ADAMTS18: variants seen among roughly 807,000 people sequenced by gnomAD.
ADAMTS18 encodes the protein ADAM metallopeptidase with thrombospondin type 1 motif 18.
In ADAMTS18, 157 loss-of-function variants were observed where a neutral mutation model predicts 165.9. The observed-to-expected ratio is 0.95, with a 90% CI of 0.83 to 1.08. The LOEUF (loss-of-function observed/expected upper bound fraction) is 1.08, where lower values mean the gene tolerates loss of function less well. Ranked by LOEUF, ADAMTS18 falls within the 50% of genes least tolerant of loss-of-function variation. ADAMTS18 has a pLI of 0.00. For synonymous variants in ADAMTS18, 782 were observed against 578.2 expected (o/e 1.35, Z -5.06); for missense variants, 2,040 against 1,534.0 (o/e 1.33, Z -5.51).
At chr16:77,340,809 C>G (rs1303808805) in intron 11 of ADAMTS18, among the ~76,000 whole-genome samples, 1 of 151,986 alleles carries the variant, frequency 6.6e-6, no homozygotes, top group Non-Finnish European at 1.5e-5. Flanking sequence ...TTCAAGCAAT[C>G]CTCCCTGCTC....
chr16:77,303,701 T>C (rs1316706066), intron 16 of ADAMTS18, among the ~76,000 whole-genome samples: 1 of 151,994 alleles, frequency 6.6e-6, no homozygotes, highest in African/African-American at 2.4e-5. Context: ...GACAGATTCA[T>C]ATATTAAAAA....
intron 12 of ADAMTS18, among the ~76,000 whole-genome samples, chr16:77,334,107 T>TGTTATATATTATATATAATATAC (rs1567490906): frequency 1.6e-3 from 81 of 51,518 alleles, no homozygotes; most frequent in East Asian, 4.4e-3. Flanking sequence ...ATATAATATA[T>TGTTATATATTATATATAATATAC]AGTGTTATAT....
At chr16:77,371,993 A>C (rs544729341) in intron 3 of ADAMTS18, among the ~76,000 whole-genome samples, 1 of 152,328 alleles carries the variant, frequency 6.6e-6, no homozygotes, top group Middle Eastern at 3.4e-3. Flanking sequence ...CAAAAGACAT[A>C]TACATGGCCA....
chr16:77,430,022 T>A (rs2057719312), intron 3 of ADAMTS18, among the ~76,000 whole-genome samples: 1 of 152,180 alleles, frequency 6.6e-6, no homozygotes, highest in Admixed American at 6.5e-5. Context: ...ACTACTGGTA[T>A]GTGGAATGGG....
intron 12 of ADAMTS18, among the ~76,000 whole-genome samples, chr16:77,326,903 T>G (rs908448029): frequency 6.6e-6 from 1 of 152,206 alleles, no homozygotes; most frequent in Non-Finnish European, 1.5e-5. Flanking sequence ...TGGGTCCATA[T>G]GTACTCAATG....
At chr16:77,348,344 C>A (rs1197078738) in intron 10 of ADAMTS18, among the ~76,000 whole-genome samples, 4 of 152,142 alleles carry the variant, frequency 2.6e-5, no homozygotes, top group Non-Finnish European at 4.4e-5. Flanking sequence ...GGTCTTCCAA[C>A]ACTATCTCCA....
intron 3 of ADAMTS18, among the ~76,000 whole-genome samples, chr16:77,374,683 C>A (rs935471239): frequency 2.0e-5 from 3 of 152,176 alleles, no homozygotes; most frequent in African/African-American, 7.2e-5. Context: ...TGGAAGCTTT[C>A]TATTTTCTCC....
chr16:77,338,709 T>G (rs905476444), intron 11 of ADAMTS18, among the ~76,000 whole-genome samples: 1 of 151,752 alleles, frequency 6.6e-6, no homozygotes, highest in East Asian at 2.0e-4. Context: ...ATCCCAGCAC[T>G]TTGGGAGGCC....
At chr16:77,311,162 T>C (rs960094590) in intron 16 of ADAMTS18, among the ~76,000 whole-genome samples, 6 of 152,336 alleles carry the variant, frequency 3.9e-5, no homozygotes, top group African/African-American at 1.4e-4. Context: ...AAACATACAC[T>C]TCTGCTGAAT....
intron 14 of ADAMTS18, among the ~76,000 whole-genome samples, chr16:77,321,977 G>A (rs989911234): frequency 4.6e-5 from 7 of 151,888 alleles, no homozygotes; most frequent in Admixed American, 3.3e-4. Context: ...CCAACATGGC[G>A]AAATCCCGTC....
At chr16:77,411,222 T>C (rs2144828647) in intron 3 of ADAMTS18, among the ~76,000 whole-genome samples, 1 of 152,302 alleles carries the variant, frequency 6.6e-6, no homozygotes, top group Non-Finnish European at 1.5e-5. Flanking sequence ...GTGCTCTTCC[T>C]GATCATAGCC....
At chr16:77,288,442 G>A (rs1164242002) in intron 22 of ADAMTS18, among the ~76,000 whole-genome samples, 2 of 151,742 alleles carry the variant, frequency 1.3e-5, no homozygotes, top group East Asian at 3.9e-4. Flanking sequence ...CACGAGGCAA[G>A]CAGATTAGGC....
At chr16:77,433,008 C>T (rs549987440) in intron 2 of ADAMTS18, among the ~76,000 whole-genome samples, 2 of 152,278 alleles carry the variant, frequency 1.3e-5, no homozygotes, top group African/African-American at 4.8e-5. Flanking sequence ...GTATAATTGA[C>T]ATACATATTT....
chr16:77,434,405 G>A lies in ADAMTS18; in HGVS notation c.178+13C>T, dbSNP rs2057771806. 1.3e-6 allele frequency: 2 copies of A among 1,564,714 alleles called. No individual in the cohort carries two copies. The highest frequency in any genetic ancestry group is 1.2e-5 in the South Asian group (1 of 86,316). The stretch of plus-strand genomic sequence containing the variant: ...CGAAAGGCCCTTCTTGGGGATGGGG[G>A]GCAAATACGAACCATCATTTAATCC... On this transcript the variant is annotated intron_variant, in intron 2 of 22. Transcript: ENST00000282849.
At chr16:77,346,110 T>C (rs2056472051) in intron 10 of ADAMTS18, among the ~76,000 whole-genome samples, 1 of 152,178 alleles carries the variant, frequency 6.6e-6, no homozygotes, top group Non-Finnish European at 1.5e-5. Context: ...TCTTACCTCC[T>C]TCAAGTCTTT....
chr16:77,414,441 G>A (rs962521989), intron 3 of ADAMTS18, among the ~76,000 whole-genome samples: 10 of 152,114 alleles, frequency 6.6e-5, no homozygotes, highest in Admixed American at 3.9e-4. Context: ...AATTTTTGCC[G>A]ATTATTATTT....
chr16:77,418,604 C>T (rs143666253), intron 3 of ADAMTS18, among the ~76,000 whole-genome samples: 6 of 152,274 alleles, frequency 3.9e-5, no homozygotes, highest in African/African-American at 1.4e-4. Flanking sequence ...ATCACCAATG[C>T]CCGACTGAGA....
chr16:77,406,817 A>G (rs1260537037), intron 3 of ADAMTS18, among the ~76,000 whole-genome samples: 1 of 152,104 alleles, frequency 6.6e-6, no homozygotes, highest in African/African-American at 2.4e-5. Context: ...ACTGGACACC[A>G]TTATCCTAAG....
At chr16:77,351,557 G>A (rs1214748091) in intron 10 of ADAMTS18, among the ~76,000 whole-genome samples, 5 of 152,120 alleles carry the variant, frequency 3.3e-5, no homozygotes, top group Admixed American at 3.3e-4. Flanking sequence ...ATTACCAACT[G>A]TGCTTTTGCT....
Sources: gnomAD v4.1 joint callset for allele counts (sites outside exome capture counted in the v4.1 genomes callset) on GRCh38, gnomAD v4.1.1 for gene constraint, MANE v1.5 for transcripts, NCBI Gene and HGNC (gene_info 2026-07-23, HGNC 2026-07-21) for gene names.